CTNND2: variants seen among roughly 807,000 people sequenced by gnomAD.
The protein encoded by CTNND2 is catenin delta-2.
CTNND2 carries 22 observed loss-of-function variants against 144.4 expected under a neutral mutation model. That is an observed-to-expected ratio of 0.15 (90% CI 0.11 to 0.22). The LOEUF (loss-of-function observed/expected upper bound fraction) is 0.22. Ranked by LOEUF, CTNND2 falls within the 10% of genes least tolerant of loss-of-function variation. The pLI, the probability that CTNND2 is intolerant of heterozygous loss-of-function variation, is 1.00. For synonymous variants in CTNND2, 751 were observed against 695.6 expected (o/e 1.08, Z -1.25); for missense variants, 1,353 against 1,618.8 (o/e 0.84, Z 2.82).
chr5:11,412,131 A>G (rs2149838553), intron 3 of CTNND2, 62 bp from the exon 4 acceptor site: 1 of 1,337,544 alleles, frequency 7.5e-7, no homozygotes, highest in East Asian at 2.3e-5. Flanking sequence ...AAAACCCTAA[A>G]ATCTAAGACA....
chr5:11,829,564 A>T (rs928709814), intron 1 of CTNND2, among the ~76,000 whole-genome samples: 1 of 152,190 alleles, frequency 6.6e-6, no homozygotes, highest in Admixed American at 6.5e-5. Context: ...TGAGCCTGCC[A>T]GTGCACACAA....
At chr5:11,619,944 A>T (rs764496661) in intron 2 of CTNND2, among the ~76,000 whole-genome samples, 3 of 152,206 alleles carry the variant, frequency 2.0e-5, no homozygotes, top group Non-Finnish European at 4.4e-5. Flanking sequence ...ATCATACTTT[A>T]GTGATTAGAT....
intron 9 of CTNND2, among the ~76,000 whole-genome samples, chr5:11,245,809 G>A (rs949140477): frequency 4.6e-5 from 7 of 152,194 alleles, no homozygotes; most frequent in Non-Finnish European, 5.9e-5. Context: ...CACCCCATTA[G>A]GGCAAGAAGG....
chr5:11,495,675 C>T (rs572796426), intron 3 of CTNND2, among the ~76,000 whole-genome samples: 34 of 152,278 alleles, frequency 2.2e-4, no homozygotes, highest in African/African-American at 6.7e-4. Context: ...CTTCCATCAA[C>T]GACTCTTCTT....
intron 2 of CTNND2, among the ~76,000 whole-genome samples, chr5:11,632,945 G>A (rs1781489176): frequency 1.3e-5 from 2 of 152,130 alleles, no homozygotes; most frequent in African/African-American, 4.8e-5. Flanking sequence ...TAGAGATTAT[G>A]CAACATGAAC....
At chr5:10,992,455 C>A (rs1159148986) in intron 19 of CTNND2, 96 bp downstream of exon 19, 1 of 1,546,642 alleles carries the variant, frequency 6.5e-7, no homozygotes, top group Non-Finnish European at 8.9e-7. Context: ...GAATGGAAGG[C>A]TCTCCTCTGA....
intron 11 of CTNND2, among the ~76,000 whole-genome samples, chr5:11,168,420 T>A (rs915967561): frequency 6.6e-6 from 1 of 152,222 alleles, no homozygotes; most frequent in Non-Finnish European, 1.5e-5. Flanking sequence ...GTAAAAGTCA[T>A]GGGTTCATCT....
intron 3 of CTNND2, among the ~76,000 whole-genome samples, chr5:11,508,632 C>T (rs1771313409): frequency 6.6e-6 from 1 of 152,088 alleles, no homozygotes; most frequent in Non-Finnish European, 1.5e-5. Flanking sequence ...ATTCCCAGGG[C>T]CGGGTGCAGT....
intron 2 of CTNND2, among the ~76,000 whole-genome samples, chr5:11,635,978 G>A (rs1320740472): frequency 6.6e-6 from 1 of 151,766 alleles, no homozygotes; most frequent in Non-Finnish European, 1.5e-5. Flanking sequence ...AATAGAAATT[G>A]TTCAAATGTC....
At chr5:11,109,469 C>A (rs902343102) in intron 14 of CTNND2, among the ~76,000 whole-genome samples, 3 of 151,952 alleles carry the variant, frequency 2.0e-5, no homozygotes, top group African/African-American at 7.3e-5. Flanking sequence ...TCAAGAACAC[C>A]AATGCCAAAG....
chr5:11,444,412 C>A (rs550656728), intron 3 of CTNND2, among the ~76,000 whole-genome samples: 1 of 152,286 alleles, frequency 6.6e-6, no homozygotes, highest in East Asian at 1.9e-4. Context: ...AAAATCTGGT[C>A]ATTCAAATGC....
chr5:11,680,610 T>C (rs558408895), intron 2 of CTNND2, among the ~76,000 whole-genome samples: 1 of 152,148 alleles, frequency 6.6e-6, no homozygotes, highest in Non-Finnish European at 1.5e-5. Flanking sequence ...GTGCATTACG[T>C]GCACTTAAAA....
At chr5:11,407,945 G>A (rs925536550) in intron 5 of CTNND2, among the ~76,000 whole-genome samples, 1 of 152,190 alleles carries the variant, frequency 6.6e-6, no homozygotes, top group Non-Finnish European at 1.5e-5. Context: ...TCTGCACAGA[G>A]AAGGATGTCT....
At chr5:11,078,036 G>C (rs1459795776) in intron 16 of CTNND2, among the ~76,000 whole-genome samples, 1 of 152,192 alleles carries the variant, frequency 6.6e-6, no homozygotes. Context: ...GGAGAGGATA[G>C]AGCAGACAGT....
chr5:11,780,678 T>C (rs1214500076), intron 1 of CTNND2, among the ~76,000 whole-genome samples: 1 of 152,212 alleles, frequency 6.6e-6, no homozygotes, highest in Non-Finnish European at 1.5e-5. Flanking sequence ...CAGACATTTT[T>C]CTTGCTGGAT....
intron 3 of CTNND2, among the ~76,000 whole-genome samples, chr5:11,551,432 C>CTTTTTTTTTTTTTTTTTTTTT (rs70949326): frequency 3.0e-5 from 3 of 100,920 alleles, no homozygotes; most frequent in Admixed American, 2.2e-4. Context: ...TTTCTTTTTT[C>CTTTTTTTTTTTTTTTTTTTTT]TTTTTTTTTT....
chr5:11,593,961 A>C (rs990146305), intron 2 of CTNND2, among the ~76,000 whole-genome samples: 2 of 152,222 alleles, frequency 1.3e-5, no homozygotes, highest in African/African-American at 4.8e-5. Context: ...AACTTTCATA[A>C]AACTGTAAGT....
At chr5:11,711,141 T>A (rs994119825) in intron 2 of CTNND2, among the ~76,000 whole-genome samples, 1 of 152,130 alleles carries the variant, frequency 6.6e-6, no homozygotes, top group African/African-American at 2.4e-5. Context: ...CTGCAACCTC[T>A]GCCTCCTGGG....
intron 8 of CTNND2, among the ~76,000 whole-genome samples, chr5:11,356,448 A>G (rs2149757008): frequency 6.6e-6 from 1 of 152,242 alleles, no homozygotes; most frequent in Non-Finnish European, 1.5e-5. Context: ...TACACTGGGG[A>G]AAAGATGGTC....
Sources: allele counts gnomAD v4.1 joint callset (sites outside exome capture counted in the v4.1 genomes callset), GRCh38; gene constraint gnomAD v4.1.1; transcripts MANE v1.5; gene names NCBI Gene and HGNC (gene_info 2026-07-23, HGNC 2026-07-21).